Variants in ANK2 observed in about 807,000 individuals in gnomAD.
ANK2 encodes ankyrin 2.
In ANK2, 83 loss-of-function variants were observed where a neutral mutation model predicts 360.5. That is an observed-to-expected ratio of 0.23 (90% confidence interval 0.19 to 0.28). The LOEUF is 0.28. Ranked by LOEUF, ANK2 falls within the 10% of genes least tolerant of loss-of-function variation. The pLI, the probability that ANK2 is intolerant of heterozygous loss-of-function variation, is 1.00. For missense variants in ANK2, 4,201 were observed against 4,795.7 expected (o/e 0.88, Z 3.66); for synonymous variants, 1,740 against 1,759.5 (o/e 0.99, Z 0.28).
chr4:113,067,173 G>C (rs551721908), intron 1 of ANK2, among the ~76,000 whole-genome samples: 17 of 152,066 alleles, frequency 1.1e-4, no homozygotes, highest in Non-Finnish European at 2.4e-4. Flanking sequence ...GCAGCGAATG[G>C]GAAAATCTGG....
the ANK2 span, among the ~76,000 whole-genome samples, chr4:112,809,275 A>G: frequency 6.7e-6 from 1 of 148,630 alleles, no homozygotes; most frequent in Non-Finnish European, 1.5e-5. Flanking sequence ...AAATAAATAA[A>G]TAAGGGCCGG....
chr4:113,281,584 A>C (rs1447246884), intron 17 of ANK2, among the ~76,000 whole-genome samples: 1 of 152,066 alleles, frequency 6.6e-6, no homozygotes, highest in Non-Finnish European at 1.5e-5. Context: ...CACAAGAAGC[A>C]CTTGGTCATT....
intron 2 of ANK2, among the ~76,000 whole-genome samples, chr4:112,915,969 G>A (rs894695043): frequency 6.6e-6 from 1 of 151,830 alleles, no homozygotes; most frequent in Non-Finnish European, 1.5e-5. Flanking sequence ...ATTAATATAT[G>A]CAAAAAGTTT....
chr4:113,031,494 C>T (rs2060391747), intron 2 of ANK2: 3 of 151,942 alleles, frequency 2.0e-5, no homozygotes, highest in Admixed American at 1.3e-4. Flanking sequence ...GGGATAGAGG[C>T]ACTTAAAATG....
Position 113,292,437 on chromosome 4 carries a change from C to T in ANK2, c.2299C>T (p.Gln767Ter). Reference protein sequence around the residue: ...KTKNGYTPLHQAAQQGHTHII... With the variant: ...KTKNGYTPLH ...ACAGAACGGCTACACGCCTTTGCAC[C>T]AGGCCGCTCAGCAGGGTCACACGCA... Residue 767 changes from glutamine to a stop codon, truncating the protein, a stop_gained, in exon 21 of 46, where the codon CAG (glutamine) becomes TAG (stop). Coordinates refer to ENST00000357077, the MANE Select transcript of ANK2 (RefSeq NM_001148.6). LOFTEE classifies it high-confidence loss of function. 6.2e-7 allele frequency: 1 copy of T among 1,610,828 alleles called. No individual in the cohort carries two copies. Among genetic ancestry groups the T allele is most frequent in the Non-Finnish European group, 8.5e-7 (1 of 1,178,576 alleles).
chr4:113,368,737 A>G (rs2096625791), intron 42 of ANK2, among the ~76,000 whole-genome samples: 1 of 152,180 alleles, frequency 6.6e-6, no homozygotes, highest in Non-Finnish European at 1.5e-5. Context: ...GAGTAATGAA[A>G]TTATCTCTTC....
chr4:112,714,358 T>G, the ANK2 span, among the ~76,000 whole-genome samples: 1 of 152,304 alleles, frequency 6.6e-6, no homozygotes, highest in South Asian at 2.1e-4. Flanking sequence ...AATTTTTGTA[T>G]TTTTAGTAGA....
chr4:113,209,815 G>A (rs182641235), intron 4 of ANK2, among the ~76,000 whole-genome samples: 75 of 151,084 alleles, frequency 5.0e-4, no homozygotes, highest in Admixed American at 2.7e-3. Flanking sequence ...AGTTGGGTAA[G>A]GAAGAGAAGC....
chr4:112,997,859 A>G (rs910917941), intron 2 of ANK2, among the ~76,000 whole-genome samples: 3 of 151,346 alleles, frequency 2.0e-5, no homozygotes, highest in African/African-American at 7.3e-5. Context: ...ACACACACAC[A>G]TATATATACA....
At chr4:112,981,146 A>G (rs576811896) in intron 2 of ANK2, among the ~76,000 whole-genome samples, 2 of 152,342 alleles carry the variant, frequency 1.3e-5, no homozygotes, top group East Asian at 1.9e-4. Flanking sequence ...AACATTTCAG[A>G]TAACAGTGGC....
intron 2 of ANK2, among the ~76,000 whole-genome samples, chr4:112,978,670 G>A (rs2042181831): frequency 6.6e-6 from 1 of 152,018 alleles, no homozygotes; most frequent in African/African-American, 2.4e-5. Context: ...CCTTTTTAAG[G>A]CTGAATAATA....
At chr4:113,215,991 T>A (rs2099081229) in intron 4 of ANK2, among the ~76,000 whole-genome samples, 1 of 152,184 alleles carries the variant, frequency 6.6e-6, no homozygotes, top group Non-Finnish European at 1.5e-5. Flanking sequence ...TTTTGAAGGC[T>A]GAAAATAAAG....
chr4:112,918,531 C>T (rs921804550), intron 2 of ANK2, among the ~76,000 whole-genome samples: 2 of 152,150 alleles, frequency 1.3e-5, no homozygotes, highest in African/African-American at 2.4e-5. Flanking sequence ...TTTCTTTGAT[C>T]GCCCTCACCA....
At chr4:113,280,025 T>C (rs2061670347) in intron 17 of ANK2, among the ~76,000 whole-genome samples, 1 of 152,184 alleles carries the variant, frequency 6.6e-6, no homozygotes, top group South Asian at 2.1e-4. Flanking sequence ...AGAATGAAGA[T>C]TGAGCAACTA....
the ANK2 span, among the ~76,000 whole-genome samples, chr4:112,780,186 C>CAAA: frequency 2.4e-4 from 31 of 130,520 alleles, 1 homozygote; most frequent in Admixed American, 7.9e-4. Context: ...GACTCTGTCT[C>CAAA]AAAAAAAAAA....
chr4:113,337,844 G>GAT (rs1301691599), intron 31 of ANK2, among the ~76,000 whole-genome samples: 2 of 152,054 alleles, frequency 1.3e-5, no homozygotes, highest in Non-Finnish European at 2.9e-5. Flanking sequence ...CAGCCCCGTA[G>GAT]ATATATGATT....
intron 2 of ANK2, among the ~76,000 whole-genome samples, chr4:112,944,149 C>A (rs564040585): frequency 1.3e-5 from 2 of 152,162 alleles, no homozygotes; most frequent in Non-Finnish European, 2.9e-5. Context: ...ACTGGACAAG[C>A]CTTTCACTTA....
intron 1 of ANK2, among the ~76,000 whole-genome samples, chr4:113,090,356 A>G (rs2154352975): frequency 6.6e-6 from 1 of 152,330 alleles, no homozygotes; most frequent in East Asian, 1.9e-4. Flanking sequence ...GAGTTTTAAA[A>G]TGGAAAACCT....
intron 1 of ANK2, among the ~76,000 whole-genome samples, chr4:113,113,184 C>CTT (rs11459209): frequency 0.011 from 1,233 of 116,248 alleles, 19 homozygotes; most frequent in African/African-American, 0.036. Context: ...TGAGCACATT[C>CTT]TTTTTTTTTT....
Sources: gnomAD v4.1 joint callset for allele counts (sites outside exome capture counted in the v4.1 genomes callset) on GRCh38, gnomAD v4.1.1 for gene constraint, MANE v1.5 for transcripts, NCBI Gene and HGNC (gene_info 2026-07-23, HGNC 2026-07-21) for gene names.